The following NAV2 variants were observed in gnomAD, a reference collection of about 807,000 sequenced individuals.
NAV2 encodes helicase, APC down-regulated 1.
In NAV2, 54 loss-of-function variants were observed where a neutral mutation model predicts 223.2. The observed-to-expected ratio is 0.24, with a 90% CI of 0.19 to 0.30. The LOEUF (loss-of-function observed/expected upper bound fraction) is 0.30, where lower values mean the gene tolerates loss of function less well. NAV2 is among the 10% of genes least tolerant of loss of function. NAV2 has a pLI of 1.00. For synonymous variants in NAV2, 1,279 were observed against 1,239.3 expected, an observed-to-expected ratio of 1.03 and a Z score of -0.67; for missense variants, 2,806 against 3,147.5, an observed-to-expected ratio of 0.89 and a Z score of 2.60.
In NAV2 at chr11:19,933,205, C is replaced by A. The variant is rs773709679; in HGVS notation, c.961C>A (p.Pro321Thr). The A allele has an allele frequency of 2.6e-6, 4 of 1,550,110 alleles. No homozygotes were observed. The South Asian group carries it at 3.7e-5, about 14-fold the overall frequency. Reference protein sequence around the residue: ...EPLASSASSHPGMSDNAPASL... With the variant: ...EPLASSASSHTGMSDNAPASL... The stretch of plus-strand genomic sequence containing the variant: ...TTTGGCAAGTTCAGCCTCCTCCCAC[C>A]CCGGAATGAGTGACAATGCACCTGC... The change falls in exon 7 of 38, where the codon CCC (proline) becomes ACC (threonine). Residue 321 changes from proline to threonine, a missense_variant. Pro to Thr is a conservative substitution (Grantham distance 38, BLOSUM62 -1). Around this residue, in one of 4 missense-constraint regions of NAV2, gnomAD observed 1,167 missense variants for 1,180.5 expected, o/e 0.99. Coordinates refer to ENST00000349880, the MANE Select transcript of NAV2 (RefSeq NM_145117.5). The surrounding 1 kb of genome is among the most constrained non-coding windows in gnomAD (Gnocchi z 4.3).
intron 1 of NAV2, among the ~76,000 whole-genome samples, chr11:19,456,129 T>G (rs944452586): frequency 1.3e-5 from 2 of 152,146 alleles, no homozygotes; most frequent in African/African-American, 4.8e-5. Flanking sequence ...CCAAGACAGT[T>G]GAGGACCCAA....
intron 1 of NAV2, among the ~76,000 whole-genome samples, chr11:19,659,502 A>G (rs903362679): frequency 1.3e-5 from 2 of 152,188 alleles, no homozygotes; most frequent in Non-Finnish European, 2.9e-5. Context: ...TCATGTATAG[A>G]AAGTAGGCAG....
At chr11:19,815,998 G>C (rs1175568939) in intron 1 of NAV2, among the ~76,000 whole-genome samples, 3 of 152,174 alleles carry the variant, frequency 2.0e-5, no homozygotes, top group Non-Finnish European at 2.9e-5. Context: ...CTCTGGGCCA[G>C]GTTGTCCCCT....
intron 5 of NAV2, among the ~76,000 whole-genome samples, chr11:19,887,318 C>T (rs924115190): frequency 1.3e-5 from 2 of 152,040 alleles, no homozygotes; most frequent in South Asian, 2.1e-4. Flanking sequence ...TTTGACCACT[C>T]TTATTGCCTC....
intron 1 of NAV2, among the ~76,000 whole-genome samples, chr11:19,490,425 A>G (rs1490991329): frequency 6.6e-6 from 1 of 152,228 alleles, no homozygotes; most frequent in Non-Finnish European, 1.5e-5. Context: ...AAGCTTATAT[A>G]ATATTCTAAA....
chr11:19,907,583 G>T (rs892850988), intron 6 of NAV2, among the ~76,000 whole-genome samples: 2 of 152,080 alleles, frequency 1.3e-5, no homozygotes, highest in Non-Finnish European at 2.9e-5. Context: ...ACTGAAAGAA[G>T]CATTTGTTAG....
chr11:19,758,917 TTA>T (rs1190875158), intron 1 of NAV2, among the ~76,000 whole-genome samples: 1 of 151,450 alleles, frequency 6.6e-6, no homozygotes, highest in Non-Finnish European at 1.5e-5. Flanking sequence ...TTGATCTTAA[TTA>T]ATTATCCCCC....
chr11:19,487,496 G>T (rs946334822), intron 1 of NAV2, among the ~76,000 whole-genome samples: 2 of 152,154 alleles, frequency 1.3e-5, no homozygotes, highest in Non-Finnish European at 2.9e-5. Flanking sequence ...ACAGAGATGG[G>T]ATGTCACTTC....
chr11:19,859,159 T>TTTTTTTTTTTTTTTTTTTTG (rs2061546894), intron 3 of NAV2, among the ~76,000 whole-genome samples: 1 of 121,884 alleles, frequency 8.2e-6, no homozygotes, highest in Admixed American at 8.6e-5. Flanking sequence ...TTTTTTTTTT[T>TTTTTTTTTTTTTTTTTTTTG]ATTGATCATT....
In NAV2 at chr11:19,517,056, A is replaced by T. The variant is rs114337037; in HGVS notation, c.75+166029A>T. 8.2e-3 allele frequency among the ~76,000 whole-genome samples: 1,250 copies of T among 152,166 alleles called. 17 individuals carry two copies. Among genetic ancestry groups the T allele is most frequent in the African/African-American group, 0.028 (1,180 of 41,508 alleles). On this transcript the variant is annotated intron_variant, in intron 1 of 37. Transcript: ENST00000360655. Reference sequence around the variant, plus strand: ...AAGACCCTCTCTCTCCAAAAAAAAAAAATAATAATACGATGAAATGGGTTT... The same window carrying T: ...AAGACCCTCTCTCTCCAAAAAAAAATAATAATAATACGATGAAATGGGTTT...
chr11:19,665,227 C>T (rs1168458704), intron 1 of NAV2, among the ~76,000 whole-genome samples: 2 of 152,242 alleles, frequency 1.3e-5, no homozygotes, highest in African/African-American at 2.4e-5. Context: ...TCTGCAGGAA[C>T]AGCAGCTTCA....
chr11:19,487,845 C>T (rs1163369300), intron 1 of NAV2, among the ~76,000 whole-genome samples: 3 of 53,824 alleles, frequency 5.6e-5, no homozygotes, highest in Non-Finnish European at 1.5e-4. Flanking sequence ...TGATTTCAGC[C>T]TGTAAGAGAC....
chr11:19,894,085 T>C (rs1207614295), intron 6 of NAV2, among the ~76,000 whole-genome samples: 2 of 152,226 alleles, frequency 1.3e-5, no homozygotes, highest in Non-Finnish European at 2.9e-5. Context: ...TGTTTTTACA[T>C]TGATGTGTAA....
At chr11:20,052,615 T>G (rs566930306) in intron 17 of NAV2, among the ~76,000 whole-genome samples, 1 of 152,366 alleles carries the variant, frequency 6.6e-6, no homozygotes, top group Non-Finnish European at 1.5e-5. Context: ...CCTATCAAAA[T>G]TATGTAGCTC....
chr11:20,026,699 G>A (rs757241959), intron 11 of NAV2, among the ~76,000 whole-genome samples: 3 of 152,170 alleles, frequency 2.0e-5, no homozygotes, highest in Non-Finnish European at 4.4e-5. Context: ...CACATGACGA[G>A]CGTTCATTAA....
intron 8 of NAV2, among the ~76,000 whole-genome samples, chr11:19,940,206 A>T (rs923748491): frequency 6.6e-6 from 1 of 152,040 alleles, no homozygotes; most frequent in Admixed American, 6.5e-5. Flanking sequence ...TTAGAGTCCT[A>T]TGTGAATTGG....
At chr11:19,710,116 A>C (rs1042741662), upstream of NAV2, among the ~76,000 whole-genome samples, 20 of 152,232 alleles carry the variant, frequency 1.3e-4, no homozygotes, top group Admixed American at 9.8e-4. Context: ...CAGGAAACCA[A>C]AGATGGCAAA....
rs182379659 is a variant in NAV2, at chr11:19,482,087, A to G, written c.75+131060A>G. On this transcript the variant is annotated intron_variant, in intron 1 of 37. Coordinates refer to the NAV2 transcript ENST00000360655. The stretch of plus-strand genomic sequence containing the variant: ...TTTATGTGTTTGTAATTTTAAATTT[A>G]TAATCCATTTATTGAAAGTCTGCTG... 3.0e-3 allele frequency among the ~76,000 whole-genome samples: 454 copies of G among 152,374 alleles called. 2 individuals are homozygous for G. Among genetic ancestry groups the G allele is most frequent in the African/African-American group, 0.01 (420 of 41,592 alleles).
chr11:19,874,787 A>G (rs570980530), intron 4 of NAV2, among the ~76,000 whole-genome samples: 1 of 152,244 alleles, frequency 6.6e-6, no homozygotes, highest in Non-Finnish European at 1.5e-5. Flanking sequence ...AATATGGTGT[A>G]TCTATATGAT....
Sources: gnomAD v4.1 joint callset for allele counts (sites outside exome capture counted in the v4.1 genomes callset) on GRCh38, gnomAD v4.1.1 for gene constraint, gnomAD v4.1.1 regional missense constraint, Gnocchi (gnomAD v3.1) non-coding constraint, MANE v1.5 for transcripts, NCBI Gene and HGNC (gene_info 2026-07-23, HGNC 2026-07-21) for gene names.